MYO1B: variants seen among roughly 807,000 people sequenced by gnomAD.
MYO1B encodes myosin IB, also known as unconventional myosin-Ib.
In MYO1B, 72 loss-of-function variants were observed where a neutral mutation model predicts 159.7. That is an observed-to-expected ratio of 0.45 (90% CI 0.37 to 0.55). The LOEUF is 0.55. Ranked by LOEUF, MYO1B falls within the 20% of genes least tolerant of loss-of-function variation. The pLI is 0.00. For missense variants in MYO1B, 1,062 were observed against 1,364.8 expected, an observed-to-expected ratio of 0.78 and a Z score of 3.50; for synonymous variants, 468 against 473.8, an observed-to-expected ratio of 0.99 and a Z score of 0.16.
intron 1 of MYO1B, among the ~76,000 whole-genome samples, chr2:191,266,888 T>G (rs2125707857): frequency 6.6e-6 from 1 of 152,364 alleles, no homozygotes; most frequent in Non-Finnish European, 1.5e-5. Flanking sequence ...CTTTACACAG[T>G]TGGGAAAAAA....
At chr2:191,387,551 G>C (rs762555533) in intron 17 of MYO1B, 101 bp downstream of exon 17, 1 of 1,049,354 alleles carries the variant, frequency 9.5e-7, no homozygotes, top group Non-Finnish European at 1.5e-6. Context: ...CCAAGCAGAG[G>C]GTAACTAAAA....
At chr2:191,329,879 TA>T in intron 3 of MYO1B, 55 bp from the exon 4 acceptor site, 4 of 1,482,108 alleles carry the variant, frequency 2.7e-6, no homozygotes, top group Non-Finnish European at 3.7e-6. Context: ...TTCCATCTGA[TA>T]AACACATAAT....
rs549577207 is a variant in MYO1B at position 191,386,091 on chromosome 2, G to C, written c.1554+7G>C. ...CCAGCATTATGCTGGAAAGGTATGG[G>C]GGAGCTGTGAGCACCCAGTCAGGCC... On this transcript the variant is annotated splice_region_variant and intron_variant, in intron 16 of 30. Transcript: ENST00000392318. 1.9e-6 allele frequency: 3 copies of C among 1,613,758 alleles called. No homozygotes were observed. The African/African-American group carries it at 4.0e-5, about 22-fold the overall frequency.
intron 24 of MYO1B, 135 bp downstream of exon 24, chr2:191,402,853 T>A: frequency 1.6e-6 from 1 of 642,944 alleles, no homozygotes; most frequent in Non-Finnish European, 2.5e-6. Flanking sequence ...CTTAATTTTG[T>A]ACCTTTTTCA....
chr2:191,297,536 C>T (rs1004348441), intron 3 of MYO1B, among the ~76,000 whole-genome samples: 2 of 152,190 alleles, frequency 1.3e-5, no homozygotes, highest in Non-Finnish European at 2.9e-5. Context: ...ATCATCCTCT[C>T]TCTCTCAAAA....
At chr2:191,251,875 G>A (rs574159957) in intron 1 of MYO1B, among the ~76,000 whole-genome samples, 18 of 152,096 alleles carry the variant, frequency 1.2e-4, no homozygotes, top group Non-Finnish European at 2.5e-4. Flanking sequence ...AATCTTAATT[G>A]CAAGATTCCT....
chr2:191,320,466 T>G (rs562865718), intron 3 of MYO1B, among the ~76,000 whole-genome samples: 1 of 152,324 alleles, frequency 6.6e-6, no homozygotes, highest in East Asian at 1.9e-4. Flanking sequence ...CTTTTCTTTC[T>G]GCACAATAAT....
intron 3 of MYO1B, among the ~76,000 whole-genome samples, chr2:191,313,233 G>T (rs1296557948): frequency 1.8e-5 from 1 of 55,758 alleles, no homozygotes; most frequent in Non-Finnish European, 3.4e-5. Context: ...TTTTTGAGAC[G>T]GAGTTTCACT....
intron 3 of MYO1B, among the ~76,000 whole-genome samples, chr2:191,298,441 G>T (rs1689113393): frequency 6.6e-6 from 1 of 152,138 alleles, no homozygotes; most frequent in South Asian, 2.1e-4. Flanking sequence ...CTCAAAGTAT[G>T]GTGCTTGGAC....
At chr2:191,413,334 C>G (rs1401607100) in intron 27 of MYO1B, among the ~76,000 whole-genome samples, 1 of 152,110 alleles carries the variant, frequency 6.6e-6, no homozygotes, top group African/African-American at 2.4e-5. Context: ...AACACAAAGC[C>G]TGTTTTATAA....
At chr2:191,259,377 C>A (rs754868522) in intron 1 of MYO1B, among the ~76,000 whole-genome samples, 1 of 152,192 alleles carries the variant, frequency 6.6e-6, no homozygotes, top group Non-Finnish European at 1.5e-5. Flanking sequence ...GGGCCTACCA[C>A]TCTAAAAGTG....
At chr2:191,390,222 C>T in intron 17 of MYO1B, 70 bp from the exon 18 acceptor site, 28 of 1,402,828 alleles carry the variant, frequency 2.0e-5, no homozygotes, top group Non-Finnish European at 2.6e-5. Context: ...ATATATAATA[C>T]TTTGTGAAAA....
intron 3 of MYO1B, among the ~76,000 whole-genome samples, chr2:191,312,617 C>T (rs1574404056): frequency 6.6e-6 from 1 of 152,274 alleles, no homozygotes; most frequent in East Asian, 1.9e-4. Flanking sequence ...TACTTTGTTG[C>T]TTCAAGATCA....
At chr2:191,397,770 C>T (rs1461382760) in intron 21 of MYO1B, among the ~76,000 whole-genome samples, 6 of 144,800 alleles carry the variant, frequency 4.1e-5, no homozygotes, top group Admixed American at 2.0e-4. Context: ...TAGGGGCGGC[C>T]GGGCAGAAGC....
In MYO1B at chr2:191,424,055, C is replaced by G; in HGVS notation, c.*95C>G. 1.4e-6 allele frequency: 2 copies of G among 1,395,516 alleles called. No individual in the cohort carries two copies. Among genetic ancestry groups the G allele is most frequent in the Non-Finnish European group, 1.9e-6 (2 of 1,032,766 alleles). The allele number at this position is 1,395,516 out of a possible 1,614,324, so 86.4% of individuals were successfully genotyped here. A position where few individuals can be genotyped will look rare whatever the true frequency, so the allele number is the denominator to read the frequency against. ...GGGTTCATTGTATGTTTGGGAATCACCAAAGGCTTTTAGAGTTCTTTGGCA... is the reference window on the plus strand; with the variant it reads ...GGGTTCATTGTATGTTTGGGAATCAGCAAAGGCTTTTAGAGTTCTTTGGCA... On this transcript the variant is annotated 3_prime_UTR_variant, in exon 31 of 31. Coordinates refer to ENST00000392318, the MANE Select transcript of MYO1B (RefSeq NM_001130158.3).
At chr2:191,418,482 ATTTTT>A (rs1159016855) in intron 30 of MYO1B, among the ~76,000 whole-genome samples, 3 of 81,044 alleles carry the variant, frequency 3.7e-5, no homozygotes, top group Admixed American at 2.0e-4. Flanking sequence ...TCTTTAGTGG[ATTTTT>A]TTTTTTTTTT....
chr2:191,388,276 CA>C lies in MYO1B; in HGVS notation c.1781+842del, dbSNP rs1163456741. The C allele has an allele frequency of 5.8e-3, 619 of 106,104 alleles. 2 individuals are homozygous for C. Among genetic ancestry groups the C allele is most frequent in the African/African-American group, 9.7e-3 (275 of 28,302 alleles). 6.6% of individuals were successfully genotyped at this position (106,104 alleles called of 1,614,324 possible). A position where few individuals can be genotyped will look rare whatever the true frequency, so the allele number is the denominator to read the frequency against. On this transcript the variant is annotated intron_variant, in intron 17 of 30. Coordinates refer to ENST00000392318, the MANE Select transcript of MYO1B (RefSeq NM_001130158.3). ...CGGGTGACAATACAAGACTCCATCTCAAAAAAAAAAAAAAAAGGAAAAAGCC... is the reference window on the plus strand; with the variant it reads ...CGGGTGACAATACAAGACTCCATCTCAAAAAAAAAAAAAAAGGAAAAAGCC...
chr2:191,375,839 G>T (rs1694674989), intron 13 of MYO1B, among the ~76,000 whole-genome samples: 1 of 151,840 alleles, frequency 6.6e-6, no homozygotes, highest in Non-Finnish European at 1.5e-5. Flanking sequence ...TGCTCCTGTA[G>T]TCCCAGCTAC....
At chr2:191,253,330 T>A (rs1431875551) in intron 1 of MYO1B, among the ~76,000 whole-genome samples, 2 of 152,208 alleles carry the variant, frequency 1.3e-5, no homozygotes, top group African/African-American at 4.8e-5. Context: ...CTGTAGCTTT[T>A]TAGGTTCTGT....
Sources: gnomAD v4.1 joint callset for allele counts (sites outside exome capture counted in the v4.1 genomes callset) on GRCh38, gnomAD v4.1.1 for gene constraint, MANE v1.5 for transcripts, NCBI Gene and HGNC (gene_info 2026-07-23, HGNC 2026-07-21) for gene names.